Variants in EIF2AK1 observed in about 807,000 individuals in gnomAD.
The protein encoded by EIF2AK1 is eukaryotic translation initiation factor 2-alpha kinase 1.
Under a neutral mutation model 77.9 loss-of-function variants are expected in EIF2AK1, and 54 were observed. The observed-to-expected ratio is 0.69, with a 90% CI of 0.56 to 0.87. The LOEUF (loss-of-function observed/expected upper bound fraction) is 0.87. Among genes scored for constraint, EIF2AK1 ranks in the 40% least tolerant of loss-of-function variants. EIF2AK1 has a pLI of 0.00. For missense variants in EIF2AK1, 810 were observed against 768.6 expected (o/e 1.05, Z -0.64); for synonymous variants, 314 against 290.5 (o/e 1.08, Z -0.82).
At chr7:6,045,554 A>C (rs1788423108) in intron 6 of EIF2AK1, among the ~76,000 whole-genome samples, 1 of 151,974 alleles carries the variant, frequency 6.6e-6, no homozygotes, top group Admixed American at 6.6e-5. Flanking sequence ...AAGTAAAATC[A>C]CTACCGTCAC....
chr7:6,029,859 T>C (rs1787854193), intron 11 of EIF2AK1, among the ~76,000 whole-genome samples: 2 of 152,018 alleles, frequency 1.3e-5, no homozygotes, highest in Non-Finnish European at 2.9e-5. Context: ...GGTGCATGCC[T>C]GTAATCCCAG....
chr7:6,022,689 G>T lies in EIF2AK1; in HGVS notation c.*1984C>A, dbSNP rs1787515138. ...TCTGAGTGAGACACAGCTCAAGGGG[G>T]GGACTGTGAGCATTTGGGGAAGGGG... is the stretch of plus-strand genomic sequence containing the variant. On this transcript the variant is annotated 3_prime_UTR_variant, in exon 15 of 15. Coordinates refer to ENST00000199389, the MANE Select transcript of EIF2AK1 (RefSeq NM_014413.4). The T allele has an allele frequency of 6.6e-6, 1 of 152,284 alleles. No individual in the cohort carries two copies. Among genetic ancestry groups the T allele is most frequent in the South Asian group, 2.1e-4 (1 of 4,830 alleles). The allele number at this position is 152,284 out of a possible 1,614,324, so 9.4% of individuals were successfully genotyped here.
rs922518214 is a variant in EIF2AK1 at position 6,022,784 on chromosome 7, T to C, written c.*1889A>G. 2 of 152,912 alleles carry C rather than the reference T, an allele frequency of 1.3e-5. No homozygotes were observed. Among genetic ancestry groups the C allele is most frequent in the African/African-American group, 4.8e-5 (2 of 41,440 alleles). The allele number at this position is 152,912 out of a possible 1,614,324, so 9.5% of individuals were successfully genotyped here. On this transcript the variant is annotated 3_prime_UTR_variant, in exon 15 of 15. Transcript: ENST00000199389. ...CATCTTGCCCTCACATTCAAGAACT[T>C]ACCATCATAGGGACACTGAAGTTAT... is the stretch of plus-strand genomic sequence containing the variant.
chr7:6,028,530 G>A, intron 13 of EIF2AK1, 85 bp downstream of exon 13: 1 of 1,367,234 alleles, frequency 7.3e-7, no homozygotes, highest in Non-Finnish European at 1.0e-6. Flanking sequence ...GGGATTACAG[G>A]CGTGAGCCAC....
At chr7:6,056,900 T>TA (rs1788789366) in intron 1 of EIF2AK1, among the ~76,000 whole-genome samples, 2 of 151,580 alleles carry the variant, frequency 1.3e-5, no homozygotes, top group African/African-American at 4.8e-5. Context: ...GGGGAAAAAG[T>TA]TATTTGTCCA....
Position 6,023,493 on chromosome 7 carries a change from T to C in EIF2AK1, c.*1180A>G. On this transcript the variant is annotated 3_prime_UTR_variant, in exon 15 of 15. Coordinates refer to ENST00000199389, the MANE Select transcript of EIF2AK1 (RefSeq NM_014413.4). ...GAAGCAGTAAAGAAAAAGCCGCTGTTTTCCGCTCCATGAACTCTGCTCTTG... is the reference window on the plus strand; with the variant it reads ...GAAGCAGTAAAGAAAAAGCCGCTGTCTTCCGCTCCATGAACTCTGCTCTTG... 1 of 1,614,202 alleles carries C rather than the reference T, an allele frequency of 6.2e-7. No individual in the cohort carries two copies. The highest frequency in any genetic ancestry group is 8.5e-7 in the Non-Finnish European group (1 of 1,180,014).
rs746620017 is a variant in EIF2AK1 at position 6,032,926 on chromosome 7, CCAGAAGT to C, written c.1333-3901_1333-3895del. Reference sequence around the variant, plus strand: ...CTGCCTGTTACGGCACGGTGCTGACCCAGAAGTCAGGTAAGTTAACTCCACCGAAAAT... The same window carrying C: ...CTGCCTGTTACGGCACGGTGCTGACCCAGGTAAGTTAACTCCACCGAAAAT... On this transcript the variant is annotated intron_variant, in intron 11 of 14. Transcript: ENST00000199389. This position sits in a 1 kb window ranked among gnomAD's most constrained non-coding sequence, Gnocchi z 4.3. 1.6e-5 allele frequency: 25 copies of C among 1,550,034 alleles called. No individual in the cohort carries two copies. The South Asian group carries it at 3.0e-4, about 18-fold the overall frequency.
Position 6,023,743 on chromosome 7 carries a change from A to G in EIF2AK1, c.*930T>C, listed in dbSNP as rs1440450552. The G allele has an allele frequency of 5.0e-6, 8 of 1,613,460 alleles. No homozygotes were observed. The highest frequency in any genetic ancestry group is 3.3e-5 in the Admixed American group (2 of 59,912). On this transcript the variant is annotated 3_prime_UTR_variant, in exon 15 of 15. Transcript: ENST00000199389. The stretch of plus-strand genomic sequence containing the variant: ...TAGATTTTAAGAATGGTGCTCTTTC[A>G]TGCCTATTATCAGTAAGGGGACTTG...
chr7:6,048,127 GT>G (rs770148727), intron 4 of EIF2AK1: 5 of 152,264 alleles, frequency 3.3e-5, no homozygotes, highest in Middle Eastern at 6.8e-3. Flanking sequence ...TCTCTCAAAT[GT>G]ACAATTCAGT....
rs1169028859 is a variant in EIF2AK1, at chr7:6,059,048, T to C, written c.36A>G (p.Glu12=). Residue 12 remains glutamate, a synonymous_variant, in exon 1 of 15, where the codon GAA becomes GAG. Coordinates refer to ENST00000199389, the MANE Select transcript of EIF2AK1 (RefSeq NM_014413.4). ...QGGNSGVRKR[E]EEGDGAGAVA... is the part of the protein sequence containing the mutation. Reference sequence around the variant, plus strand: ...CAGCCCCAGCCCCGTCGCCCTCCTCTTCGCGCTTGCGGACCCCGGAGTTGC... The same window carrying C: ...CAGCCCCAGCCCCGTCGCCCTCCTCCTCGCGCTTGCGGACCCCGGAGTTGC... The C allele has an allele frequency of 6.7e-7, 1 of 1,503,358 alleles. No individual in the cohort carries two copies. Among genetic ancestry groups the C allele is most frequent in the Admixed American group, 2.3e-5 (1 of 43,250 alleles). The allele number at this position is 1,503,358 out of a possible 1,614,324, so 93.1% of individuals were successfully genotyped here.
intron 4 of EIF2AK1, among the ~76,000 whole-genome samples, chr7:6,048,414 T>A (rs1016160090): frequency 6.6e-6 from 1 of 152,224 alleles, no homozygotes; most frequent in Non-Finnish European, 1.5e-5. Flanking sequence ...CGTACTTCAT[T>A]CCTTTTAATA....
At position 6,032,768 on chromosome 7, in the gene EIF2AK1, G is replaced by A. The variant is rs897149509; in HGVS notation, c.1333-3736C>T. ...TAAATAAATGTATTGCCTTTGAAAC[G>A]GCAAGCTAACACAAACAGTATTTTT... is the stretch of plus-strand genomic sequence containing the variant. On this transcript the variant is annotated intron_variant, in intron 11 of 14. Coordinates refer to ENST00000199389, the MANE Select transcript of EIF2AK1 (RefSeq NM_014413.4). The surrounding 1 kb of genome is among the most constrained non-coding windows in gnomAD (Gnocchi z 4.3). The A allele has an allele frequency of 1.1e-5, 14 of 1,290,332 alleles. No individual in the cohort carries two copies. In the South Asian group the frequency reaches 1.3e-4, roughly 12 times the overall value. The allele number at this position is 1,290,332 out of a possible 1,614,324, so 79.9% of individuals were successfully genotyped here.
intron 1 of EIF2AK1, among the ~76,000 whole-genome samples, 153 bp downstream of exon 1, chr7:6,058,813 C>A (rs1562763476): frequency 6.6e-6 from 1 of 152,260 alleles, no homozygotes; most frequent in Non-Finnish European, 1.5e-5. Flanking sequence ...GCCCGCCGCC[C>A]CCCCTCGCAC....
chr7:6,049,958 C>T lies in EIF2AK1; in HGVS notation c.365G>A (p.Arg122Lys). 1.2e-6 allele frequency: 2 copies of T among 1,613,252 alleles called. No homozygotes were observed. Among genetic ancestry groups the T allele is most frequent in the Non-Finnish European group, 1.7e-6 (2 of 1,179,736 alleles). ...EFSSLRLHHNRAITHLMRSAK... is the reference protein window; with the variant it reads ...EFSSLRLHHNKAITHLMRSAK... ...AGACCTCATTAAGTGAGTAATAGCT[C>T]TGTTGTGATGTAGTCTCAATGAGCT... The change falls in exon 3 of 15, where the codon AGA (arginine) becomes AAA (lysine). Residue 122 changes from arginine to lysine, a missense_variant. By Grantham distance (26) the Arg-to-Lys change is conservative (BLOSUM62 2). This residue lies in a region of EIF2AK1 where 246 missense variants were observed against 199.0 expected (regional missense o/e 1.24). Transcript: ENST00000199389.
Position 6,058,991 on chromosome 7 carries a change from G to A in EIF2AK1, c.93C>T (p.Ala31=), listed in dbSNP as rs755446520. The A allele has an allele frequency of 9.1e-6, 14 of 1,541,462 alleles. No individual in the cohort carries two copies. Among genetic ancestry groups the A allele is most frequent in the Admixed American group, 4.0e-5 (2 of 50,512 alleles). ...VAAPPAIDFP[A]EGPDPEYDES... Reference sequence around the variant, plus strand: ...CGTCATATTCGGGGTCCGGGCCCTCGGCGGGAAAGTCGATGGCCGGCGGCG... The same window carrying A: ...CGTCATATTCGGGGTCCGGGCCCTCAGCGGGAAAGTCGATGGCCGGCGGCG... Residue 31 remains alanine (A), a synonymous_variant, in exon 1 of 15, where the codon GCC becomes GCT. Transcript: ENST00000199389.
intron 1 of EIF2AK1, among the ~76,000 whole-genome samples, chr7:6,055,412 C>T (rs1190400672): frequency 6.8e-6 from 1 of 147,484 alleles, no homozygotes; most frequent in Non-Finnish European, 1.5e-5. Context: ...GGAAACTTTT[C>T]TCGATGAGCG....
At position 6,024,775 on chromosome 7, in the gene EIF2AK1, TATC is replaced by T. The variant is rs771752473; in HGVS notation, c.1788_1790del (p.Ile598del). 6.3e-7 allele frequency: 1 copy of T among 1,579,428 alleles called. No homozygotes were observed. The highest frequency in any genetic ancestry group is 1.4e-5 in the African/African-American group (1 of 72,670). On this transcript the variant is annotated inframe_deletion, in exon 15 of 15. Coordinates refer to ENST00000199389, the MANE Select transcript of EIF2AK1 (RefSeq NM_014413.4). ...CTGCAATTTCTTTTTCTTGCTCTAT[TATC>T]TTCATCTGTAGGGTGAGGTTAACCT...
rs1787811496 is a variant in EIF2AK1, at chr7:6,028,406, C to T, written c.1530+209G>A. ...AGCTGGGACTACAGGCATGTGCCAT[C>T]GCACCCAGATAATTTTTGTATTTTT... On this transcript the variant is annotated intron_variant, in intron 13 of 14. Transcript: ENST00000199389. Among the ~76,000 whole-genome samples, 5 of 152,150 alleles carry T rather than the reference C, an allele frequency of 3.3e-5. No individual in the cohort carries two copies. In the South Asian group the frequency reaches 1.0e-3, roughly 32 times the overall value.
Position 6,036,106 on chromosome 7 carries a change from G to T in EIF2AK1, c.1332+1318C>A. Reference sequence around the variant, plus strand: ...TACCTTCAGCGCAGTTGCAATGTAAGAGATACGGCACTTCTGGCCAGGCTA... The same window carrying T: ...TACCTTCAGCGCAGTTGCAATGTAATAGATACGGCACTTCTGGCCAGGCTA... On this transcript the variant is annotated intron_variant, in intron 11 of 14. Transcript: ENST00000199389. The surrounding 1 kb of genome is among the most constrained non-coding windows in gnomAD (Gnocchi z 4.6). 1 of 1,550,848 alleles carries T rather than the reference G, an allele frequency of 6.4e-7. No homozygotes were observed. The highest frequency in any genetic ancestry group is 1.2e-5 in the South Asian group (1 of 84,050).
Sources: allele counts gnomAD v4.1 joint callset (sites outside exome capture counted in the v4.1 genomes callset), GRCh38; gene constraint gnomAD v4.1.1; regional missense constraint gnomAD v4.1.1; non-coding constraint Gnocchi (gnomAD v3.1); transcripts MANE v1.5; gene names NCBI Gene and HGNC (gene_info 2026-07-23, HGNC 2026-07-21).